Variants in LINGO2 observed in about 807,000 individuals in gnomAD.
LINGO2 encodes leucine rich repeat and Ig domain containing 2.
LINGO2 carries 14 observed loss-of-function variants against 30.6 expected under a neutral mutation model. That is an observed-to-expected ratio of 0.46 (90% CI 0.30 to 0.72). The LOEUF (loss-of-function observed/expected upper bound fraction) is 0.72, where lower values mean the gene tolerates loss of function less well. Ranked by LOEUF, LINGO2 falls within the 30% of genes least tolerant of loss-of-function variation. The pLI is 0.07. For synonymous variants in LINGO2, 317 were observed against 288.5 expected (o/e 1.10, Z -1.00); for missense variants, 729 against 751.7 (o/e 0.97, Z 0.35).
intron 3 of LINGO2, among the ~76,000 whole-genome samples, chr9:28,322,702 C>T (rs1448837898): frequency 6.6e-6 from 1 of 152,128 alleles, no homozygotes; most frequent in Admixed American, 6.6e-5. Flanking sequence ...GGGTAAGTCA[C>T]TGGACGTAAA....
the LINGO2 span, among the ~76,000 whole-genome samples, chr9:28,882,317 C>T: frequency 6.6e-6 from 1 of 152,172 alleles, no homozygotes; most frequent in Non-Finnish European, 1.5e-5. Context: ...AGATGTAGCA[C>T]AACATGGTCC....
chr9:28,668,652 A>G lies in LINGO2; in HGVS notation c.-365+1548T>C, dbSNP rs557532827. The stretch of plus-strand genomic sequence containing the variant: ...ATATTGTAGAATGTCACATAAATTC[A>G]AGCAGGAAAAAAAGGTTTTAATTTA... On this transcript the variant is annotated intron_variant, in intron 1 of 5. Transcript: ENST00000379992. Among the ~76,000 whole-genome samples, 12 of 152,190 alleles carry G rather than the reference A, an allele frequency of 7.9e-5. No individual in the cohort carries two copies. In the East Asian group the frequency reaches 2.1e-3, roughly 27 times the overall value.
chr9:28,020,936 G>T (rs1823086563), intron 4 of LINGO2, among the ~76,000 whole-genome samples: 1 of 151,724 alleles, frequency 6.6e-6, no homozygotes, highest in African/African-American at 2.4e-5. Flanking sequence ...TATTATTTTT[G>T]GCTAGCCTGG....
intron 2 of LINGO2, among the ~76,000 whole-genome samples, chr9:28,404,935 C>G (rs1315939976): frequency 1.3e-5 from 1 of 75,878 alleles, no homozygotes; most frequent in Non-Finnish European, 2.8e-5. Context: ...TGTAAAATTC[C>G]AGAAGGACTA....
the LINGO2 span, among the ~76,000 whole-genome samples, chr9:28,867,293 A>G: frequency 2.0e-5 from 3 of 152,160 alleles, no homozygotes; most frequent in African/African-American, 7.2e-5. Flanking sequence ...AAAAATGCAT[A>G]TACAGTAAAT....
chr9:28,538,292 T>C (rs1821520208), intron 1 of LINGO2, among the ~76,000 whole-genome samples: 1 of 151,908 alleles, frequency 6.6e-6, no homozygotes, highest in Admixed American at 6.6e-5. Flanking sequence ...CTATAAAAAG[T>C]ATTGATAATG....
chr9:28,335,307 A>G (rs558914883), intron 3 of LINGO2, among the ~76,000 whole-genome samples: 3 of 152,304 alleles, frequency 2.0e-5, no homozygotes, highest in Admixed American at 6.5e-5. Context: ...ATTGTCATCT[A>G]AGAGAAGAAT....
chr9:28,547,727 A>C (rs1001050847), intron 1 of LINGO2, among the ~76,000 whole-genome samples: 1 of 152,120 alleles, frequency 6.6e-6, no homozygotes. Flanking sequence ...CATAATAAAA[A>C]GGAAAGGAGT....
chr9:28,446,331 C>T (rs913178680), intron 2 of LINGO2, among the ~76,000 whole-genome samples: 10 of 152,284 alleles, frequency 6.6e-5, no homozygotes, highest in African/African-American at 2.2e-4. Flanking sequence ...CAAGCACATC[C>T]AGTTTATAAT....
At chr9:27,938,084 G>T in the LINGO2 span, 4 of 152,006 alleles carry the variant, frequency 2.6e-5, no homozygotes, top group Admixed American at 2.0e-4. Flanking sequence ...ATAAATAACT[G>T]TTCCGCCACA....
chr9:28,261,618 T>C (rs1042750752), intron 4 of LINGO2, among the ~76,000 whole-genome samples: 2 of 151,948 alleles, frequency 1.3e-5, no homozygotes, highest in Admixed American at 1.3e-4. Context: ...CTTTTATTCC[T>C]TGCTAAGTGA....
At chr9:28,496,351 G>T (rs1224474832) in intron 1 of LINGO2, among the ~76,000 whole-genome samples, 1 of 151,976 alleles carries the variant, frequency 6.6e-6, no homozygotes, top group Non-Finnish European at 1.5e-5. Context: ...CTCCCGTATT[G>T]GGTGCATATA....
At chr9:28,269,618 T>G (rs1822872048) in intron 4 of LINGO2, among the ~76,000 whole-genome samples, 1 of 152,078 alleles carries the variant, frequency 6.6e-6, no homozygotes. Context: ...GGCAAACTTT[T>G]CTAAACTTCA....
At chr9:28,832,758 C>T in the LINGO2 span, among the ~76,000 whole-genome samples, 1 of 152,150 alleles carries the variant, frequency 6.6e-6, no homozygotes, top group Non-Finnish European at 1.5e-5. Flanking sequence ...CATTTCTCTA[C>T]ATTGTTCCTT....
chr9:28,219,480 T>A (rs1442616324), intron 4 of LINGO2, among the ~76,000 whole-genome samples: 1 of 152,176 alleles, frequency 6.6e-6, no homozygotes, highest in Admixed American at 6.5e-5. Flanking sequence ...TGCTCTCAAA[T>A]TGTCAATACA....
At chr9:29,135,508 G>A in the LINGO2 span, among the ~76,000 whole-genome samples, 18 of 150,348 alleles carry the variant, frequency 1.2e-4, no homozygotes, top group African/African-American at 3.9e-4. Context: ...CAGTGAGCCG[G>A]GATTGCACCA....
intron 1 of LINGO2, among the ~76,000 whole-genome samples, chr9:28,586,004 G>A (rs944512163): frequency 1.3e-5 from 2 of 148,690 alleles, no homozygotes; most frequent in African/African-American, 4.9e-5. Context: ...GCTTCTGTGT[G>A]GGCTTTTCCA....
chr9:28,096,606 A>G (rs1270148996), intron 4 of LINGO2, among the ~76,000 whole-genome samples: 4 of 151,264 alleles, frequency 2.6e-5, no homozygotes, highest in African/African-American at 9.8e-5. Context: ...ACCATACTCA[A>G]TCAGTCACTT....
At chr9:28,302,126 G>C (rs1041790518) in intron 3 of LINGO2, among the ~76,000 whole-genome samples, 2 of 152,102 alleles carry the variant, frequency 1.3e-5, no homozygotes, top group African/African-American at 4.8e-5. Context: ...TAAAAACACA[G>C]TAAATACACA....
Sources: allele counts gnomAD v4.1 joint callset (sites outside exome capture counted in the v4.1 genomes callset), GRCh38; gene constraint gnomAD v4.1.1; transcripts MANE v1.5; gene names NCBI Gene and HGNC (gene_info 2026-07-23, HGNC 2026-07-21).